The following PDE6A variants were observed in gnomAD, a reference collection of about 807,000 sequenced individuals.
The protein encoded by PDE6A is rod cGMP-specific 3',5'-cyclic phosphodiesterase subunit alpha.
Under a neutral mutation model 106.3 loss-of-function variants are expected in PDE6A, and 84 were observed. That is an observed-to-expected ratio of 0.79 (90% confidence interval 0.66 to 0.95). The LOEUF (loss-of-function observed/expected upper bound fraction) is 0.95. PDE6A is among the 40% of genes least tolerant of loss of function. The pLI, the probability that PDE6A is intolerant of heterozygous loss-of-function variation, is 0.00. For missense variants in PDE6A, 1,052 were observed against 1,084.9 expected (o/e 0.97, Z 0.43); for synonymous variants, 394 against 386.6 (o/e 1.02, Z -0.23).
intron 4 of PDE6A, among the ~76,000 whole-genome samples, chr5:149,930,702 G>T (rs1445435426): frequency 6.6e-6 from 1 of 152,140 alleles, no homozygotes; most frequent in Non-Finnish European, 1.5e-5. Flanking sequence ...CCTGAAGTTG[G>T]CAACTTTCTC....
intron 7 of PDE6A, among the ~76,000 whole-genome samples, chr5:149,907,025 G>GC (rs1235364321): frequency 6.6e-6 from 1 of 152,098 alleles, no homozygotes; most frequent in African/African-American, 2.4e-5. Flanking sequence ...ACCTGCCTCG[G>GC]CCCCCCAAAG....
rs1753594531 is a variant in PDE6A, at chr5:149,917,618, C to T, written c.934-2611G>A. Among the ~76,000 whole-genome samples the T allele has an allele frequency of 2.6e-5, 4 of 152,198 alleles. No individual in the cohort carries two copies. In the South Asian group the frequency reaches 8.3e-4, roughly 32 times the overall value. ...GCTGAAACCACTCCAATGGCACAGG[C>T]TACCCCCAGGGGTAGTGAGCTCCCT... On this transcript the variant is annotated intron_variant, in intron 5 of 21. Transcript: ENST00000255266.
chr5:149,906,652 A>G lies in PDE6A; in HGVS notation c.1065+660T>C, dbSNP rs375626783. Among the ~76,000 whole-genome samples the G allele has an allele frequency of 1.2e-4, 18 of 152,070 alleles. No individual in the cohort carries two copies. The South Asian group carries it at 3.7e-3, about 32-fold the overall frequency. ...CAAATCTAATACTCCAGCCACACTTAACCATACACAGCACACTGCTCCAGT... is the reference window on the plus strand; with the variant it reads ...CAAATCTAATACTCCAGCCACACTTGACCATACACAGCACACTGCTCCAGT... On this transcript the variant is annotated intron_variant, in intron 7 of 21. Transcript: ENST00000255266.
At position 149,934,697 on chromosome 5, in the gene PDE6A, C is replaced by T. The variant is rs1413783896; in HGVS notation, c.496G>A (p.Val166Met). ...GTCTTGTACTCTGTGAGGATGTCCA[C>T]AAAGTCACAGAAATGCTCATCCTAA... The part of the protein sequence containing the change: ...TEEDEHFCDF[V>M]DILTEYKTKN... The change falls in exon 2 of 22, where the codon GTG (valine) becomes ATG (methionine). Residue 166 changes from valine to methionine, a missense_variant. Val to Met is a conservative substitution (Grantham distance 21). Around this residue, in one of 3 missense-constraint regions of PDE6A, gnomAD observed 913 missense variants for 915.2 expected, o/e 1.00. Coordinates refer to ENST00000255266, the MANE Select transcript of PDE6A (RefSeq NM_000440.3). 3 of 1,613,864 alleles carry T rather than the reference C, an allele frequency of 1.9e-6. No individual in the cohort carries two copies. Among genetic ancestry groups the T allele is most frequent in the African/African-American group, 1.3e-5 (1 of 74,916 alleles).
chr5:149,920,998 A>AAAGAAAGAAAGAAAG, intron 5 of PDE6A, among the ~76,000 whole-genome samples: 1 of 134,426 alleles, frequency 7.4e-6, no homozygotes, highest in East Asian at 2.1e-4. Flanking sequence ...AAGAAAGAAA[A>AAAGAAAGAAAGAAAG]AGAAAGAAAA....
At chr5:149,900,677 T>C (rs1256627086) in intron 8 of PDE6A, among the ~76,000 whole-genome samples, 2 of 151,920 alleles carry the variant, frequency 1.3e-5, no homozygotes, top group African/African-American at 2.4e-5. Context: ...ATTTAAATAA[T>C]ACTGGAAAGT....
At chr5:149,889,362 T>C (rs906430519) in intron 13 of PDE6A, among the ~76,000 whole-genome samples, 23 of 152,018 alleles carry the variant, frequency 1.5e-4, no homozygotes, top group African/African-American at 4.8e-4. Context: ...TTAAGAAAAC[T>C]GTTTTCTTTA....
In PDE6A at chr5:149,863,609, C is replaced by T. The variant is rs1760221280; in HGVS notation, c.2359-343G>A. On this transcript the variant is annotated intron_variant, in intron 20 of 21. Transcript: ENST00000255266. The surrounding 1 kb of genome is among the most constrained non-coding windows in gnomAD (Gnocchi z 4.7). The stretch of plus-strand genomic sequence containing the variant: ...AGTGTGTCCTCCATTCTGTGAGCCT[C>T]ACACAAGCTGCTCTTTTCTTTTTTT... Among the ~76,000 whole-genome samples, 1 of 151,854 alleles carries T rather than the reference C, an allele frequency of 6.6e-6. No homozygotes were observed. The highest frequency in any genetic ancestry group is 2.4e-5 in the African/African-American group (1 of 41,168).
chr5:149,928,229 A>ATTTTTTTTT (rs1450276110), intron 4 of PDE6A, among the ~76,000 whole-genome samples: 24 of 25,474 alleles, frequency 9.4e-4, no homozygotes, highest in Non-Finnish European at 1.6e-3. Flanking sequence ...ATATATATAT[A>ATTTTTTTTT]TATTTTTTTT....
intron 4 of PDE6A, among the ~76,000 whole-genome samples, chr5:149,927,048 C>T (rs189700663): frequency 7.9e-4 from 120 of 151,270 alleles, no homozygotes; most frequent in African/African-American, 2.9e-3. Flanking sequence ...AGTCATGCGT[C>T]ACTTAATGGC....
chr5:149,934,599 C>T lies in PDE6A; in HGVS notation c.594G>A (p.Val198=), dbSNP rs398123394. ...CTCTCTTGGTGAAGTGGGATCCATCCACTTTATTCACAGCCATGATTATGG... is the reference window on the plus strand; with the variant it reads ...CTCTCTTGGTGAAGTGGGATCCATCTACTTTATTCACAGCCATGATTATGG... ...VVAIIMAVNK[V]DGSHFTKRDE... is the part of the protein sequence containing the mutation. The change falls in exon 2 of 22, where the codon GTG becomes GTA. Residue 198 remains valine (V), a synonymous_variant. Transcript: ENST00000255266. 1.2e-4 allele frequency: 188 copies of T among 1,614,148 alleles called. No individual in the cohort carries two copies. Among genetic ancestry groups the T allele is most frequent in the Non-Finnish European group, 1.4e-4 (170 of 1,180,012 alleles).
chr5:149,866,039 T>C, intron 20 of PDE6A, 131 bp downstream of exon 20: 2 of 710,688 alleles, frequency 2.8e-6, no homozygotes, highest in Non-Finnish European at 5.2e-6. Flanking sequence ...TCGAATGCCA[T>C]TAGAGATGAG....
At position 149,899,543 on chromosome 5, in the gene PDE6A, A is replaced by G; in HGVS notation, c.1114-19T>C. The G allele has an allele frequency of 6.2e-7, 1 of 1,613,574 alleles. No homozygotes were observed. Among genetic ancestry groups the G allele is most frequent in the Non-Finnish European group, 8.5e-7 (1 of 1,179,470 alleles). On this transcript the variant is annotated intron_variant, in intron 8 of 21. Transcript: ENST00000255266. ...GTTCTTTCTACAAGAGAAGGGCTAG[A>G]TTAGGTTTCCTCTTGTTTCAGGCCA... is the stretch of plus-strand genomic sequence containing the variant.
chr5:149,937,241 A>G (rs1165891072), intron 1 of PDE6A, among the ~76,000 whole-genome samples: 1 of 152,264 alleles, frequency 6.6e-6, no homozygotes, highest in Non-Finnish European at 1.5e-5. Context: ...CGTGAGGAAC[A>G]GAAAGAAAAT....
chr5:149,878,334 C>G (rs1346726771), intron 17 of PDE6A, among the ~76,000 whole-genome samples: 7 of 151,574 alleles, frequency 4.6e-5, no homozygotes, highest in African/African-American at 1.5e-4. Context: ...AAACATAATT[C>G]CTTTCATTTG....
chr5:149,921,757 G>T, intron 4 of PDE6A, 48 bp from the exon 5 acceptor site: 1 of 1,488,740 alleles, frequency 6.7e-7, no homozygotes, highest in Non-Finnish European at 9.4e-7. Flanking sequence ...AGAGATCAAG[G>T]AAAGGAGATT....
rs570141696 is a variant in PDE6A at position 149,863,247 on chromosome 5, T to C, written c.2378A>G (p.Glu793Gly). Reference protein sequence around the residue: ...FVYKEFSRFHEEITPMLDGIT... With the variant: ...FVYKEFSRFHGEITPMLDGIT... ...CCCGTCCAACATTGGGGTGATCTCC[T>C]CGTGGAAACGGGAGAATTCCTAGAA... Residue 793 changes from glutamate to glycine, a missense_variant, in exon 21 of 22, where the codon GAG becomes GGG. Physicochemically the swap from Glu to Gly is moderately conservative, Grantham distance 98. This residue lies in a region of PDE6A where 135 missense variants were observed against 153.2 expected (regional missense o/e 0.88). Coordinates refer to ENST00000255266, the MANE Select transcript of PDE6A (RefSeq NM_000440.3). The surrounding 1 kb of genome is among the most constrained non-coding windows in gnomAD (Gnocchi z 4.7). The C allele has an allele frequency of 6.2e-7, 1 of 1,614,174 alleles. No homozygotes were observed. Among genetic ancestry groups the C allele is most frequent in the East Asian group, 2.2e-5 (1 of 44,884 alleles).
chr5:149,897,594 C>A (rs1302488070), intron 10 of PDE6A, among the ~76,000 whole-genome samples: 1 of 152,022 alleles, frequency 6.6e-6, no homozygotes, highest in Non-Finnish European at 1.5e-5. Context: ...TTTATTTTTT[C>A]TTTTTTTCTG....
chr5:149,926,832 G>T (rs1753875745), intron 4 of PDE6A, among the ~76,000 whole-genome samples: 3 of 152,160 alleles, frequency 2.0e-5, no homozygotes, highest in Admixed American at 1.3e-4. Context: ...ACAAAAATTA[G>T]CTGGGTGTGG....
Sources: allele counts gnomAD v4.1 joint callset (sites outside exome capture counted in the v4.1 genomes callset), GRCh38; gene constraint gnomAD v4.1.1; regional missense constraint gnomAD v4.1.1; non-coding constraint Gnocchi (gnomAD v3.1); transcripts MANE v1.5; gene names NCBI Gene and HGNC (gene_info 2026-07-23, HGNC 2026-07-21).